The following NUDCD1 variants were observed in gnomAD, a reference collection of about 807,000 sequenced individuals.
The protein encoded by NUDCD1 is nudC domain-containing protein 1.
A neutral mutation model predicts 67.8 loss-of-function variants in NUDCD1; 60 were observed. That is an observed-to-expected ratio of 0.88 (90% CI 0.72 to 1.10). The LOEUF (loss-of-function observed/expected upper bound fraction) is 1.10, where lower values mean the gene tolerates loss of function less well. Among genes scored for constraint, NUDCD1 ranks in the 50% least tolerant of loss-of-function variants. The probability of loss-of-function intolerance (pLI) is 0.00; values close to 1 mark genes in which losing one functional copy is unlikely to be tolerated. For synonymous variants in NUDCD1, 244 were observed against 230.8 expected (o/e 1.06, Z -0.52); for missense variants, 643 against 695.0 (o/e 0.93, Z 0.84).
At chr8:109,300,420 G>C (rs146362100) in intron 2 of NUDCD1, among the ~76,000 whole-genome samples, 236 of 152,124 alleles carry the variant, frequency 1.6e-3, no homozygotes, top group African/African-American at 5.5e-3. Context: ...AAAACTTTAG[G>C]AAACAATGGA....
rs775835951 is a variant in NUDCD1 at position 109,322,386 on chromosome 8, G to A, written c.196C>T (p.His66Tyr). 1.9e-6 allele frequency: 3 copies of A among 1,595,598 alleles called. No individual in the cohort carries two copies. The highest frequency in any genetic ancestry group is 2.6e-6 in the Non-Finnish European group (3 of 1,163,948). The change falls in exon 2 of 10, where the codon CAC (histidine) becomes TAC (tyrosine). Residue 66 changes from histidine to tyrosine, a missense_variant. Physicochemically the swap from His to Tyr is moderately conservative, Grantham distance 83. Coordinates refer to ENST00000239690, the MANE Select transcript of NUDCD1 (RefSeq NM_032869.4). ...CTGTCTTGATACCATGAATCACAGT[G>A]CAGGTAATTATACATTCCAAAAGCA... ...MHAFGMYNYL[H>Y]CDSWYQDSVY...
chr8:109,248,416 T>G (rs1813548959), intron 8 of NUDCD1, among the ~76,000 whole-genome samples: 1 of 152,232 alleles, frequency 6.6e-6, no homozygotes, highest in Non-Finnish European at 1.5e-5. Flanking sequence ...CTGCCCTTTT[T>G]TCTCCAAATT....
chr8:109,298,800 G>C (rs1814905508), intron 2 of NUDCD1: 1 of 152,214 alleles, frequency 6.6e-6, no homozygotes, highest in African/African-American at 2.4e-5. Context: ...AGAGCAGCCT[G>C]TGGAGCCTCG....
chr8:109,325,825 T>C (rs1815669374), intron 1 of NUDCD1, among the ~76,000 whole-genome samples: 1 of 152,162 alleles, frequency 6.6e-6, no homozygotes, highest in Non-Finnish European at 1.5e-5. Flanking sequence ...AACTACAATA[T>C]GGAAAACAAA....
Position 109,281,021 on chromosome 8 carries a change from G to C in NUDCD1, c.975C>G (p.Leu325=), listed in dbSNP as rs1814424901. 1 of 1,609,950 alleles carries C rather than the reference G, an allele frequency of 6.2e-7. No homozygotes were observed. The highest frequency in any genetic ancestry group is 1.1e-5 in the South Asian group (1 of 90,966). Residue 325 remains leucine (L), a synonymous_variant, in exon 6 of 10, where the codon CTC becomes CTG. Transcript: ENST00000239690. ...TGCTTTCATGATCAATAGATGAATA[G>C]AGTTTTCCTTCTAAAAACTGGTGAT... ...LKDHQFLEGK[L]YSSIDHESST... is the part of the protein sequence containing the mutation.
intron 8 of NUDCD1, among the ~76,000 whole-genome samples, chr8:109,266,028 C>T (rs1412862642): frequency 3.3e-5 from 5 of 151,318 alleles, no homozygotes; most frequent in Admixed American, 2.0e-4. Flanking sequence ...TCATTCAAGT[C>T]TATATAATTT....
intron 5 of NUDCD1, among the ~76,000 whole-genome samples, chr8:109,288,113 T>A (rs1814618506): frequency 6.6e-6 from 1 of 152,172 alleles, no homozygotes; most frequent in Non-Finnish European, 1.5e-5. Flanking sequence ...CCATAATTTT[T>A]AAAAATTACA....
chr8:109,270,752 C>G (rs1814131802), intron 8 of NUDCD1, among the ~76,000 whole-genome samples: 1 of 151,428 alleles, frequency 6.6e-6, no homozygotes, highest in African/African-American at 2.4e-5. Flanking sequence ...TTATACATTA[C>G]AGGGTCACAA....
At chr8:109,319,370 C>T (rs1033090803) in intron 2 of NUDCD1, among the ~76,000 whole-genome samples, 2 of 152,154 alleles carry the variant, frequency 1.3e-5, no homozygotes, top group Non-Finnish European at 2.9e-5. Flanking sequence ...ACAGCAAAAG[C>T]GAGCAACAAG....
intron 7 of NUDCD1, among the ~76,000 whole-genome samples, chr8:109,272,059 C>G (rs1814170713): frequency 6.6e-6 from 1 of 151,518 alleles, no homozygotes; most frequent in Non-Finnish European, 1.5e-5. Context: ...GCTCTCAAGC[C>G]AGAAAAAAAT....
intron 2 of NUDCD1, chr8:109,313,759 A>G: frequency 1.9e-6 from 1 of 519,512 alleles, no homozygotes; most frequent in South Asian, 1.5e-5. Flanking sequence ...CATTTTATAC[A>G]CAATTATGAG....
intron 2 of NUDCD1, among the ~76,000 whole-genome samples, chr8:109,299,089 G>A (rs1308446215): frequency 5.9e-5 from 9 of 152,188 alleles, no homozygotes; most frequent in Admixed American, 5.2e-4. Context: ...GAAGCAGCAG[G>A]GAAAGCCCTG....
chr8:109,329,768 C>T (rs762725069), intron 1 of NUDCD1: 11 of 1,529,968 alleles, frequency 7.2e-6, no homozygotes, highest in Middle Eastern at 1.7e-4. Flanking sequence ...CTTCATAAAG[C>T]TGTTTAATTT....
intron 6 of NUDCD1, 101 bp from the exon 7 acceptor site, chr8:109,275,597 C>G: frequency 9.1e-7 from 1 of 1,102,718 alleles, no homozygotes; most frequent in Non-Finnish European, 1.3e-6. Flanking sequence ...TAGAAAGAAC[C>G]CTCCGGTGTC....
intron 8 of NUDCD1, among the ~76,000 whole-genome samples, chr8:109,264,133 C>G (rs74596823): frequency 3.3e-5 from 5 of 152,222 alleles, no homozygotes; most frequent in Non-Finnish European, 5.9e-5. Flanking sequence ...ACTTGGGAAT[C>G]GTTTGAGTTG....
At chr8:109,257,678 A>G (rs192796829) in intron 8 of NUDCD1, among the ~76,000 whole-genome samples, 308 of 152,268 alleles carry the variant, frequency 2.0e-3, no homozygotes, top group Non-Finnish European at 3.4e-3. Context: ...CTGTAACGCG[A>G]CAGTAATCAA....
At chr8:109,302,118 A>G (rs1267992832) in intron 2 of NUDCD1, among the ~76,000 whole-genome samples, 1 of 152,134 alleles carries the variant, frequency 6.6e-6, no homozygotes, top group Non-Finnish European at 1.5e-5. Context: ...TGTGTTCTTA[A>G]AAACTTAAAA....
At position 109,271,000 on chromosome 8, in the gene NUDCD1, C is replaced by G; in HGVS notation, c.1299+5G>C. 1 of 1,563,820 alleles carries G rather than the reference C, an allele frequency of 6.4e-7. No homozygotes were observed. Among genetic ancestry groups the G allele is most frequent in the Non-Finnish European group, 8.7e-7 (1 of 1,150,924 alleles). ...ATTTTAGAAATATTAATATCAGTAA[C>G]TTACCACATGAGTAGTTTTTAATGT... On this transcript the variant is annotated splice_donor_5th_base_variant and intron_variant, in intron 8 of 9. Transcript: ENST00000239690.
chr8:109,296,591 C>T (rs1417922711), intron 2 of NUDCD1, 22 bp from the exon 3 acceptor site: 28 of 1,501,874 alleles, frequency 1.9e-5, no homozygotes, highest in Non-Finnish European at 2.4e-5. Context: ...AAACATTATA[C>T]ATTAATCTCT....
Sources: gnomAD v4.1 joint callset for allele counts (sites outside exome capture counted in the v4.1 genomes callset) on GRCh38, gnomAD v4.1.1 for gene constraint, MANE v1.5 for transcripts, NCBI Gene and HGNC (gene_info 2026-07-23, HGNC 2026-07-21) for gene names.